SPTAN1: variants seen among roughly 807,000 people sequenced by gnomAD.
SPTAN1 encodes the protein spectrin alpha chain, non-erythrocytic 1.
A neutral mutation model predicts 331.3 loss-of-function variants in SPTAN1; 61 were observed. The observed-to-expected ratio is 0.18, with a 90% confidence interval of 0.15 to 0.23. SPTAN1 has a LOEUF of 0.23. Among genes scored for constraint, SPTAN1 ranks in the 10% least tolerant of loss-of-function variants. The pLI, the probability that SPTAN1 is intolerant of heterozygous loss-of-function variation, is 1.00. For synonymous variants in SPTAN1, 1,153 were observed against 1,173.9 expected (o/e 0.98, Z 0.36); for missense variants, 2,043 against 3,147.9 (o/e 0.65, Z 8.40).
In SPTAN1 at chr9:128,633,507, A is replaced by G. The variant is rs1373509539; in HGVS notation, c.*173A>G. ...CGCTTCCGGTCCAGTCACAATCATC[A>G]TGTCACTGTGGGGACCCAGATCTGT... On this transcript the variant is annotated 3_prime_UTR_variant, in exon 57 of 57. Coordinates refer to ENST00000372739, the MANE Select transcript of SPTAN1 (RefSeq NM_001130438.3). 2 of 1,205,454 alleles carry G rather than the reference A, an allele frequency of 1.7e-6. No individual in the cohort carries two copies. Among genetic ancestry groups the G allele is most frequent in the Non-Finnish European group, 2.4e-6 (2 of 836,896 alleles). The allele number at this position is 1,205,454 out of a possible 1,614,324, so 74.7% of individuals were successfully genotyped here.
intron 1 of SPTAN1, among the ~76,000 whole-genome samples, chr9:128,554,493 A>T (rs1848439492): frequency 1.3e-5 from 2 of 152,164 alleles, no homozygotes; most frequent in Non-Finnish European, 2.9e-5. Context: ...ACCTGCCTTC[A>T]TCCAAAGTTG....
intron 40 of SPTAN1, among the ~76,000 whole-genome samples, chr9:128,615,309 A>AT (rs199946535): frequency 1.2e-3 from 181 of 150,696 alleles, no homozygotes; most frequent in African/African-American, 3.0e-3. Flanking sequence ...GTGAAACAGC[A>AT]TTTTTTTTTC....
intron 3 of SPTAN1, among the ~76,000 whole-genome samples, chr9:128,570,330 ATTTTTTTTT>A (rs541960678): frequency 0.092 from 6,554 of 71,242 alleles, 193 homozygotes; most frequent in African/African-American, 0.15. Flanking sequence ...ATATATATAT[ATTTTTTTTT>A]TTTTTTTTTT....
At chr9:128,576,124 T>C (rs1851280648) in intron 5 of SPTAN1, among the ~76,000 whole-genome samples, 1 of 152,174 alleles carries the variant, frequency 6.6e-6, no homozygotes, top group African/African-American at 2.4e-5. Flanking sequence ...TTGAGAAAAG[T>C]AGTCAGGCCA....
At chr9:128,555,622 T>TCC (rs375540423) in intron 1 of SPTAN1, among the ~76,000 whole-genome samples, 95,148 of 122,478 alleles carry the variant, frequency 0.78, 37,323 homozygotes, top group Non-Finnish European at 0.89. Flanking sequence ...TGCAAAGCCT[T>TCC]TTTTTTTTTT....
chr9:128,577,714 TTCTTC>T lies in SPTAN1; in HGVS notation c.1085+210_1085+214del, dbSNP rs1212449960. Among the ~76,000 whole-genome samples the T allele has an allele frequency of 1.3e-5, 2 of 152,234 alleles. No homozygotes were observed. Among genetic ancestry groups the T allele is most frequent in the Admixed American group, 1.3e-4 (2 of 15,286 alleles). On this transcript the variant is annotated intron_variant, in intron 8 of 56. Coordinates refer to ENST00000372739, the MANE Select transcript of SPTAN1 (RefSeq NM_001130438.3). The surrounding 1 kb of genome is among the most constrained non-coding windows in gnomAD (Gnocchi z 4.2). Reference sequence around the variant, plus strand: ...CGTATGGTATTTACAACTTCATAAATTCTTCTATTCTGCATCACTGCATTATGATT... The same window carrying T: ...CGTATGGTATTTACAACTTCATAAATTATTCTGCATCACTGCATTATGATT...
At chr9:128,633,662 A>ATTT (rs1418498733), downstream of SPTAN1, 2 of 1,474,322 alleles carry the variant, frequency 1.4e-6, no homozygotes, top group African/African-American at 2.8e-5. Context: ...CTTCCCCCAA[A>ATTT]GCTTTGCTTT....
intron 1 of SPTAN1, among the ~76,000 whole-genome samples, chr9:128,562,887 C>T (rs1984184): frequency 0.97 from 145,637 of 149,770 alleles, 70,952 homozygotes; most frequent in East Asian, 1. Context: ...ATGGCGTGAA[C>T]CCAGGAGGTG....
intron 46 of SPTAN1, chr9:128,624,810 C>T (rs1008553258): frequency 1.8e-6 from 1 of 567,952 alleles, no homozygotes; most frequent in Non-Finnish European, 3.1e-6. Flanking sequence ...GTCAGGGGCG[C>T]CACCCAGCTC....
intron 1 of SPTAN1, 25 bp from the exon 2 acceptor site, chr9:128,566,713 A>G (rs1850079992): frequency 6.2e-7 from 1 of 1,613,842 alleles, no homozygotes; most frequent in Admixed American, 1.7e-5. Flanking sequence ...ATTGGTACTT[A>G]TCTCAGCGCA....
rs750748842 is a variant in SPTAN1 at position 128,615,707 on chromosome 9, G to A, written c.5224G>A (p.Asp1742Asn). 8.7e-6 allele frequency: 14 copies of A among 1,614,070 alleles called. No homozygotes were observed. Among genetic ancestry groups the A allele is most frequent in the Non-Finnish European group, 1.1e-5 (13 of 1,180,052 alleles). Residue 1742 changes from aspartate (D) to asparagine (N), a missense_variant, in exon 41 of 57, where the codon GAC (aspartate) becomes AAC (asparagine). Coordinates refer to ENST00000372739, the MANE Select transcript of SPTAN1 (RefSeq NM_001130438.3). ...SSAFDTSQVK[D>N]KRDTINGRFQ... is the part of the protein sequence containing the mutation. ...TGCCTTCGACACCTCCCAAGTAAAG[G>A]ACAAGAGGGACACCATCAACGGGCG...
chr9:128,564,512 G>A (rs1280922090), intron 1 of SPTAN1, among the ~76,000 whole-genome samples: 2 of 152,046 alleles, frequency 1.3e-5, no homozygotes, highest in Admixed American at 1.3e-4. Context: ...GAACCAGGGA[G>A]GTCGAGGTTG....
At chr9:128,606,260 C>T (rs1470110276) in intron 31 of SPTAN1, among the ~76,000 whole-genome samples, 1 of 145,452 alleles carries the variant, frequency 6.9e-6, no homozygotes, top group Non-Finnish European at 1.5e-5. Flanking sequence ...CCTGTAATTC[C>T]AGCTACTCGG....
chr9:128,597,179 A>G (rs1006486770), intron 24 of SPTAN1, among the ~76,000 whole-genome samples: 7 of 152,028 alleles, frequency 4.6e-5, no homozygotes, highest in African/African-American at 9.7e-5. Context: ...AAAAAAGAAA[A>G]AAAATTTTTC....
chr9:128,628,060 A>C (rs114576138), intron 51 of SPTAN1, 118 bp downstream of exon 51: 1 of 1,259,474 alleles, frequency 7.9e-7, no homozygotes, highest in Non-Finnish European at 1.2e-6. Flanking sequence ...GGCGGGCTGC[A>C]CTTCCCCTCC....
intron 1 of SPTAN1, among the ~76,000 whole-genome samples, chr9:128,566,358 T>A (rs974983496): frequency 3.3e-5 from 5 of 152,142 alleles, no homozygotes; most frequent in African/African-American, 9.7e-5. Context: ...ACCCCCTGCT[T>A]GAAAGGACTT....
intron 4 of SPTAN1, 125 bp from the exon 5 acceptor site, chr9:128,575,074 C>T: frequency 1.4e-6 from 2 of 1,417,966 alleles, no homozygotes; most frequent in Non-Finnish European, 2.0e-6. Context: ...TCACAAACCA[C>T]AGACAAAACT....
intron 1 of SPTAN1, chr9:128,555,422 AC>A: frequency 7.8e-7 from 1 of 1,289,142 alleles, no homozygotes; most frequent in Non-Finnish European, 1.0e-6. Flanking sequence ...CATGCAGAAA[AC>A]GGGTTGCCTT....
chr9:128,621,130 T>G, intron 44 of SPTAN1, 28 bp from the exon 45 acceptor site: 1 of 1,608,258 alleles, frequency 6.2e-7, no homozygotes, highest in Non-Finnish European at 8.5e-7. Context: ...AGGCTCTCAA[T>G]AGTGTGCCTT....
Sources: gnomAD v4.1 joint callset for allele counts (sites outside exome capture counted in the v4.1 genomes callset) on GRCh38, gnomAD v4.1.1 for gene constraint, Gnocchi (gnomAD v3.1) non-coding constraint, MANE v1.5 for transcripts, NCBI Gene and HGNC (gene_info 2026-07-23, HGNC 2026-07-21) for gene names.